The following SLC13A2 variants were observed in gnomAD, a reference collection of about 807,000 sequenced individuals.
SLC13A2 encodes the protein Na(+)-coupled citrate transporter.
SLC13A2 carries 40 observed loss-of-function variants against 58.5 expected under a neutral mutation model. The observed-to-expected ratio is 0.68, with a 90% CI of 0.53 to 0.89. The LOEUF (loss-of-function observed/expected upper bound fraction) is 0.89. SLC13A2 is among the 40% of genes least tolerant of loss of function. SLC13A2 has a pLI of 0.00. For synonymous variants in SLC13A2, 341 were observed against 331.6 expected, an observed-to-expected ratio of 1.03 and a Z score of -0.31; for missense variants, 694 against 772.6, an observed-to-expected ratio of 0.90 and a Z score of 1.21.
At position 28,495,729 on chromosome 17, in the gene SLC13A2, C is replaced by A; in HGVS notation, c.1383C>A (p.Ile461=). ...LQSVPAPAIA[I]ILSLLVATFT... is the part of the protein sequence containing the mutation. ...GTGTGCCAGCTCCAGCCATTGCCAT[C>A]ATCCTCTCCCTCCTGGTGGCCACCT... The change falls in exon 10 of 12, where the codon ATC becomes ATA. Residue 461 remains isoleucine, a synonymous_variant. Coordinates refer to ENST00000314669, the MANE Select transcript of SLC13A2 (RefSeq NM_003984.4). 6.2e-7 allele frequency: 1 copy of A among 1,613,302 alleles called. No homozygotes were observed. The highest frequency in any genetic ancestry group is 1.3e-5 in the African/African-American group (1 of 75,052).
chr17:28,486,555 C>T lies in SLC13A2; in HGVS notation c.103-2659C>T, dbSNP rs117754636. On this transcript the variant is annotated intron_variant, in intron 1 of 11. Transcript: ENST00000314669. ...TAATGAAGGCTTCTGGATGGAACTT[C>T]GGAACAGGTCTTGTGTTTTGATCTG... 2.5e-3 allele frequency among the ~76,000 whole-genome samples: 383 copies of T among 152,200 alleles called. 4 individuals carry two copies. The East Asian group carries it at 0.043, about 17-fold the overall frequency.
At chr17:28,482,264 G>T (rs1226959671) in intron 1 of SLC13A2, among the ~76,000 whole-genome samples, 1 of 151,154 alleles carries the variant, frequency 6.6e-6, no homozygotes, top group Non-Finnish European at 1.5e-5. Flanking sequence ...TGTTGCCCAG[G>T]CTGGTTTGAA....
Position 28,491,456 on chromosome 17 carries a change from T to C in SLC13A2, c.594T>C (p.Pro198=). 1.2e-6 allele frequency: 2 copies of C among 1,613,692 alleles called. No homozygotes were observed. The highest frequency in any genetic ancestry group is 1.7e-6 in the Non-Finnish European group (2 of 1,180,032). ...VTKLDNGQAL[P]VTSASSEGRA... ...TCCCAGATAATGGGCAGGCCCTCCC[T>C]GTCACGTCTGCCTCTTCGGAGGGGA... is the stretch of plus-strand genomic sequence containing the variant. The change falls in exon 5 of 12, where the codon CCT becomes CCC. Residue 198 remains proline (P), a synonymous_variant. Transcript: ENST00000314669.
intron 1 of SLC13A2, among the ~76,000 whole-genome samples, chr17:28,481,472 G>T (rs2068785043): frequency 6.6e-6 from 1 of 152,220 alleles, no homozygotes; most frequent in African/African-American, 2.4e-5. Flanking sequence ...GGCTTCCAGT[G>T]CATGCTGTTG....
At chr17:28,480,331 C>CA (rs533007991) in intron 1 of SLC13A2, among the ~76,000 whole-genome samples, 27 of 148,524 alleles carry the variant, frequency 1.8e-4, no homozygotes, top group African/African-American at 3.2e-4. Context: ...AAGGCCTTGT[C>CA]AAAAAAAAAA....
intron 1 of SLC13A2, among the ~76,000 whole-genome samples, chr17:28,474,092 A>C (rs782713874): frequency 1.3e-5 from 2 of 152,100 alleles, no homozygotes; most frequent in African/African-American, 2.4e-5. Flanking sequence ...ACAAGATGCA[A>C]GGGGGGCAGA....
Position 28,496,841 on chromosome 17 carries a change from C to T in SLC13A2, c.1608+254C>T, listed in dbSNP as rs1555604736. Among the ~76,000 whole-genome samples the T allele has an allele frequency of 1.3e-5, 2 of 152,196 alleles. No individual in the cohort carries two copies. The highest frequency in any genetic ancestry group is 4.8e-5 in the African/African-American group (2 of 41,438). On this transcript the variant is annotated intron_variant, in intron 11 of 11. Transcript: ENST00000314669. The surrounding 1 kb of genome is among the most constrained non-coding windows in gnomAD (Gnocchi z 4.2). ...GGGGAAGGCTCCAAGGTGCCAGGCA[C>T]CCACACTCAGGGAGATGAGCTCAGA...
rs782491380 is a variant in SLC13A2, at chr17:28,495,686, A to G, written c.1340A>G (p.Lys447Arg). The G allele has an allele frequency of 1.2e-6, 2 of 1,611,558 alleles. No homozygotes were observed. Among genetic ancestry groups the G allele is most frequent in the Non-Finnish European group, 1.7e-6 (2 of 1,179,884 alleles). ...RSGLSEWLGN[K>R]LTPLQSVPAP... is the part of the protein sequence containing the mutation. ...GGCCTGTCAGAGTGGCTGGGAAACAAGCTGACCCCACTGCAGAGTGTGCCA... is the reference window on the plus strand; with the variant it reads ...GGCCTGTCAGAGTGGCTGGGAAACAGGCTGACCCCACTGCAGAGTGTGCCA... The change falls in exon 10 of 12, where the codon AAG (lysine) becomes AGG (arginine). Residue 447 changes from lysine (K) to arginine (R), a missense_variant. Transcript: ENST00000314669.
At chr17:28,488,189 C>T (rs1473803094) in intron 1 of SLC13A2, among the ~76,000 whole-genome samples, 1 of 152,246 alleles carries the variant, frequency 6.6e-6, no homozygotes, top group Non-Finnish European at 1.5e-5. Context: ...CCTACTCCCA[C>T]CTCAGGGACC....
At chr17:28,488,240 G>A (rs983045520) in intron 1 of SLC13A2, among the ~76,000 whole-genome samples, 5 of 152,178 alleles carry the variant, frequency 3.3e-5, no homozygotes, top group Admixed American at 6.5e-5. Flanking sequence ...AGCTTAGCCT[G>A]TACGAGGTGG....
intron 1 of SLC13A2, among the ~76,000 whole-genome samples, chr17:28,479,747 T>A (rs1332264049): frequency 6.6e-6 from 1 of 151,922 alleles, no homozygotes; most frequent in Non-Finnish European, 1.5e-5. Context: ...AGGCTGGGAG[T>A]GGTGGCTCAC....
At chr17:28,493,851 A>T in intron 7 of SLC13A2, 62 bp downstream of exon 7, 1 of 1,581,172 alleles carries the variant, frequency 6.3e-7, no homozygotes, top group Non-Finnish European at 8.7e-7. Context: ...GGAAGGAGGG[A>T]AGGGTATAGG....
chr17:28,491,884 G>A (rs782584247), intron 6 of SLC13A2, 32 bp downstream of exon 6: 3 of 1,607,600 alleles, frequency 1.9e-6, no homozygotes, highest in Non-Finnish European at 2.6e-6. Context: ...AGAAGCCCAG[G>A]TCCCTGCCCT....
chr17:28,492,213 A>G (rs1360026661), intron 6 of SLC13A2, among the ~76,000 whole-genome samples: 3 of 152,152 alleles, frequency 2.0e-5, no homozygotes, highest in African/African-American at 7.2e-5. Context: ...CTGTGTTCCT[A>G]CTGTATACTG....
At chr17:28,484,007 G>C (rs1346118718) in intron 1 of SLC13A2, among the ~76,000 whole-genome samples, 1 of 152,124 alleles carries the variant, frequency 6.6e-6, no homozygotes, top group East Asian at 1.9e-4. Context: ...CAGACTCCCC[G>C]AGGGCCAGCG....
intron 1 of SLC13A2, among the ~76,000 whole-genome samples, chr17:28,479,579 G>A (rs930250509): frequency 6.6e-6 from 1 of 152,232 alleles, no homozygotes; most frequent in Non-Finnish European, 1.5e-5. Context: ...TGTAAAAACA[G>A]TCTCCTAGTG....
Position 28,497,479 on chromosome 17 carries a change from C to A in SLC13A2, c.*210C>A. 1.7e-6 allele frequency: 1 copy of A among 593,974 alleles called. No individual in the cohort carries two copies. The highest frequency in any genetic ancestry group is 3.0e-5 in the Admixed American group (1 of 33,130). 36.8% of individuals were successfully genotyped at this position (593,974 alleles called of 1,614,324 possible). ...AAAGGTGTGTGCATGTGTGTGTGCG[C>A]ATATGTGTGCGCCTGCATGGATGTG... On this transcript the variant is annotated 3_prime_UTR_variant, in exon 12 of 12. Transcript: ENST00000314669.
In SLC13A2 at chr17:28,494,215, G is replaced by A. The variant is rs2069093510; in HGVS notation, c.1186+110G>A. The A allele has an allele frequency of 5.4e-6, 8 of 1,474,618 alleles. No homozygotes were observed. Among genetic ancestry groups the A allele is most frequent in the Non-Finnish European group, 7.5e-6 (8 of 1,062,872 alleles). The allele number at this position is 1,474,618 out of a possible 1,614,324, so 91.3% of individuals were successfully genotyped here. On this transcript the variant is annotated intron_variant, in intron 8 of 11. Coordinates refer to ENST00000314669, the MANE Select transcript of SLC13A2 (RefSeq NM_003984.4). This position sits in a 1 kb window ranked among gnomAD's most constrained non-coding sequence, Gnocchi z 4.0. ...GGAGTAGGCAAAGCCCAGAAAGGCT[G>A]GAGCGACTTGCCAAGGGCACAGGGA...
At chr17:28,479,118 G>A (rs1375909984) in intron 1 of SLC13A2, among the ~76,000 whole-genome samples, 3 of 152,162 alleles carry the variant, frequency 2.0e-5, no homozygotes, top group African/African-American at 7.2e-5. Context: ...GGAGGCTGAG[G>A]CAGGAGGATC....
Sources: gnomAD v4.1 joint callset for allele counts (sites outside exome capture counted in the v4.1 genomes callset) on GRCh38, gnomAD v4.1.1 for gene constraint, Gnocchi (gnomAD v3.1) non-coding constraint, MANE v1.5 for transcripts, NCBI Gene and HGNC (gene_info 2026-07-23, HGNC 2026-07-21) for gene names.